Variants in CAMK1G observed in about 807,000 individuals in gnomAD.
CAMK1G encodes the protein calcium/calmodulin dependent protein kinase IG.
CAMK1G carries 27 observed loss-of-function variants against 54.8 expected under a neutral mutation model. That is an observed-to-expected ratio of 0.49 (90% CI 0.36 to 0.68). The LOEUF (loss-of-function observed/expected upper bound fraction) is 0.68. Ranked by LOEUF, CAMK1G falls within the 30% of genes least tolerant of loss-of-function variation. The pLI, the probability that CAMK1G is intolerant of heterozygous loss-of-function variation, is 0.00. For missense variants in CAMK1G, 512 were observed against 591.0 expected (o/e 0.87, Z 1.39); for synonymous variants, 238 against 224.9 (o/e 1.06, Z -0.52).
chr1:209,609,722 A>G (rs1242028956), intron 8 of CAMK1G, 129 bp from the exon 9 acceptor site: 2 of 865,760 alleles, frequency 2.3e-6, no homozygotes, highest in East Asian at 5.1e-5. Flanking sequence ...CTCTTCTAAG[A>G]CTCTTAAAAT....
chr1:209,606,265 G>A, intron 5 of CAMK1G, 55 bp from the exon 6 acceptor site: 1 of 1,592,458 alleles, frequency 6.3e-7, no homozygotes, highest in Non-Finnish European at 8.6e-7. Context: ...CAAGGGGAAG[G>A]AAAATACTTG....
At chr1:209,586,487 G>A (rs1449659965) in intron 1 of CAMK1G, among the ~76,000 whole-genome samples, 2 of 152,108 alleles carry the variant, frequency 1.3e-5, no homozygotes, top group African/African-American at 2.4e-5. Context: ...TGCTCACACT[G>A]TGAAAGGCAC....
chr1:209,601,406 G>A (rs527528195), intron 3 of CAMK1G, among the ~76,000 whole-genome samples: 2 of 152,180 alleles, frequency 1.3e-5, no homozygotes, highest in Non-Finnish European at 2.9e-5. Flanking sequence ...AATTGCTAGG[G>A]GTGGAGAACA....
chr1:209,611,752 A>G (rs898708130), intron 10 of CAMK1G, 40 bp from the exon 11 acceptor site: 14 of 1,598,776 alleles, frequency 8.8e-6, no homozygotes, highest in African/African-American at 2.7e-5. Context: ...AGGCCCTCTG[A>G]GGTTGCAGAA....
chr1:209,608,956 T>C, intron 7 of CAMK1G, 24 bp from the exon 8 acceptor site: 1 of 1,613,616 alleles, frequency 6.2e-7, no homozygotes, highest in Non-Finnish European at 8.5e-7. Flanking sequence ...TTCAGTAGTA[T>C]GCCTCCTTCC....
At chr1:209,591,883 C>CA (rs1665259179) in intron 1 of CAMK1G, among the ~76,000 whole-genome samples, 2 of 152,250 alleles carry the variant, frequency 1.3e-5, no homozygotes, top group South Asian at 4.1e-4. Context: ...TGGTCATCAC[C>CA]GTCTCTTCTC....
chr1:209,605,925 C>T (rs371361157), intron 5 of CAMK1G, among the ~76,000 whole-genome samples: 1 of 152,210 alleles, frequency 6.6e-6, no homozygotes, highest in African/African-American at 2.4e-5. Flanking sequence ...ACATTTCTTA[C>T]ATCCAGCCAC....
At chr1:209,609,958 C>T in intron 9 of CAMK1G, 29 bp downstream of exon 9, 1 of 1,573,962 alleles carries the variant, frequency 6.4e-7, no homozygotes, top group South Asian at 1.1e-5. Context: ...GGACTCTAGA[C>T]CCCAGCCCTG....
At chr1:209,613,007 C>A (rs902816242) in intron 12 of CAMK1G, 33 bp from the exon 13 acceptor site, 1 of 652,116 alleles carries the variant, frequency 1.5e-6, no homozygotes, top group Non-Finnish European at 2.8e-6. Context: ...AGGTGGCAAC[C>A]CCCTCCTCAC....
intron 1 of CAMK1G, among the ~76,000 whole-genome samples, chr1:209,586,224 C>CTCCCAAAGA (rs1215285989): frequency 2.0e-5 from 3 of 151,108 alleles, no homozygotes; most frequent in Non-Finnish European, 3.0e-5. Context: ...GCACCTCTTG[C>CTCCCAAAGA]ATGGGATTGG....
rs145147491 is a variant in CAMK1G at position 209,595,016 on chromosome 1, C to T, written c.33C>T (p.Ser11=). Reference sequence around the variant, plus strand: ...GAAAGGAAGAAGATGACTGCAGTTCCTGGAAGAAACAGACCACCAACATCC... The same window carrying T: ...GAAAGGAAGAAGATGACTGCAGTTCTTGGAAGAAACAGACCACCAACATCC... MGRKEEDDCS[S]WKKQTTNIRK... is the part of the protein sequence containing the mutation. The change falls in exon 2 of 13, where the codon TCC becomes TCT. Residue 11 remains serine (S), a synonymous_variant. Coordinates refer to ENST00000361322, the MANE Select transcript of CAMK1G (RefSeq NM_020439.3). 1.4e-5 allele frequency: 23 copies of T among 1,614,034 alleles called. No homozygotes were observed. The African/African-American group carries it at 2.5e-4, about 18-fold the overall frequency.
At chr1:209,594,098 T>A (rs1265588089) in intron 1 of CAMK1G, among the ~76,000 whole-genome samples, 1 of 152,190 alleles carries the variant, frequency 6.6e-6, no homozygotes, top group Non-Finnish European at 1.5e-5. Context: ...TCCCAAACTT[T>A]GGGTCTCAGC....
At chr1:209,609,725 C>A in intron 8 of CAMK1G, 126 bp from the exon 9 acceptor site, 1 of 908,610 alleles carries the variant, frequency 1.1e-6, no homozygotes, top group Non-Finnish European at 1.8e-6. Flanking sequence ...TTCTAAGACT[C>A]TTAAAATTGC....
At chr1:209,602,335 C>G (rs1334784409) in intron 3 of CAMK1G, among the ~76,000 whole-genome samples, 1 of 152,052 alleles carries the variant, frequency 6.6e-6, no homozygotes, top group Non-Finnish European at 1.5e-5. Context: ...CAAAATAGTC[C>G]CTGGTTGAGA....
At chr1:209,605,750 G>A (rs1346406025) in intron 5 of CAMK1G, 76 bp downstream of exon 5, 5 of 1,454,300 alleles carry the variant, frequency 3.4e-6, no homozygotes, top group Non-Finnish European at 4.7e-6. Flanking sequence ...GGACATCTAA[G>A]CTCCATAAAG....
chr1:209,613,251 C>A lies in CAMK1G; in HGVS notation c.*249C>A. On this transcript the variant is annotated 3_prime_UTR_variant, in exon 13 of 13. Coordinates refer to ENST00000361322, the MANE Select transcript of CAMK1G (RefSeq NM_020439.3). The stretch of plus-strand genomic sequence containing the variant: ...CTGTGAGCAGGAGAAGCGGTGCCCA[C>A]CAGCTTCCAGGTCTCCCTGACCTGC... 4.2e-6 allele frequency: 1 copy of A among 236,042 alleles called. No individual in the cohort carries two copies. The highest frequency in any genetic ancestry group is 6.1e-5 in the South Asian group (1 of 16,364). The allele number at this position is 236,042 out of a possible 1,614,324, so 14.6% of individuals were successfully genotyped here. A position where few individuals can be genotyped will look rare whatever the true frequency, so the allele number is the denominator to read the frequency against.
intron 1 of CAMK1G, among the ~76,000 whole-genome samples, chr1:209,588,220 T>C (rs1008894282): frequency 6.6e-6 from 1 of 152,226 alleles, no homozygotes; most frequent in African/African-American, 2.4e-5. Flanking sequence ...GCAGAGGTGC[T>C]ACTCAAAGAT....
chr1:209,598,953 C>T (rs1000345097), intron 2 of CAMK1G, among the ~76,000 whole-genome samples: 4 of 152,170 alleles, frequency 2.6e-5, no homozygotes, highest in Non-Finnish European at 5.9e-5. Flanking sequence ...CTATGAAGAA[C>T]AGCTTGAGAC....
intron 2 of CAMK1G, 22 bp downstream of exon 2, chr1:209,595,097 T>A: frequency 6.3e-7 from 1 of 1,590,572 alleles, no homozygotes; most frequent in Non-Finnish European, 8.6e-7. Flanking sequence ...GGCTGTGAGG[T>A]CGGGTGGGCT....
Sources: gnomAD v4.1 joint callset for allele counts (sites outside exome capture counted in the v4.1 genomes callset) on GRCh38, gnomAD v4.1.1 for gene constraint, MANE v1.5 for transcripts, NCBI Gene and HGNC (gene_info 2026-07-23, HGNC 2026-07-21) for gene names.